The following BRAF variants were observed in gnomAD, a reference collection of about 807,000 sequenced individuals.
BRAF encodes the protein serine/threonine-protein kinase B-raf.
Under a neutral mutation model 104.6 loss-of-function variants are expected in BRAF, and 16 were observed. The observed-to-expected ratio is 0.15, with a 90% CI of 0.10 to 0.23. BRAF has a LOEUF of 0.23. Ranked by LOEUF, BRAF falls within the 10% of genes least tolerant of loss-of-function variation. The pLI is 1.00. For missense variants in BRAF, 541 were observed against 937.3 expected (o/e 0.58, Z 5.52); for synonymous variants, 310 against 341.6 (o/e 0.91, Z 1.02).
chr7:140,805,870 A>C (rs565157615), intron 5 of BRAF, among the ~76,000 whole-genome samples: 1 of 152,366 alleles, frequency 6.6e-6, no homozygotes, highest in East Asian at 1.9e-4. Context: ...CTTTCTAAGC[A>C]GAACATAGGT....
rs1562941216 is a variant in BRAF at position 140,753,445 on chromosome 7, C to A, written c.1862-52G>T. The A allele has an allele frequency of 2.5e-6, 3 of 1,203,414 alleles. No homozygotes were observed. The East Asian group carries it at 7.0e-5, about 28-fold the overall frequency. The allele number at this position is 1,203,414 out of a possible 1,614,324, so 74.5% of individuals were successfully genotyped here. A position where few individuals can be genotyped will look rare whatever the true frequency, so the allele number is the denominator to read the frequency against. ...AGTAGATCTCATTTTCCTATCAGAGCAAGCATTATGAAGAGTTTAGGTAAG... is the reference window on the plus strand; with the variant it reads ...AGTAGATCTCATTTTCCTATCAGAGAAAGCATTATGAAGAGTTTAGGTAAG... On this transcript the variant is annotated intron_variant, in intron 15 of 19. Transcript: ENST00000644969.
intron 8 of BRAF, among the ~76,000 whole-genome samples, chr7:140,788,829 T>C (rs1474575944): frequency 6.6e-6 from 1 of 151,832 alleles, no homozygotes. Context: ...CCTCAGGTGA[T>C]CCGTCCACCT....
intron 19 of BRAF, chr7:140,732,170 C>CAAAAAAAA (rs61727494): frequency 2.5e-4 from 6 of 23,694 alleles, no homozygotes; most frequent in Non-Finnish European, 5.3e-4. Flanking sequence ...GACTCTGTCT[C>CAAAAAAAA]AAAAAAAAAA....
chr7:140,855,616 A>C (rs1470470400), intron 1 of BRAF, among the ~76,000 whole-genome samples: 1 of 151,628 alleles, frequency 6.6e-6, no homozygotes, highest in African/African-American at 2.4e-5. Context: ...TTAAAATATC[A>C]ATTAGTAACA....
intron 1 of BRAF, among the ~76,000 whole-genome samples, chr7:140,901,624 C>G (rs973048976): frequency 2.6e-5 from 4 of 152,192 alleles, no homozygotes; most frequent in Non-Finnish European, 1.5e-5. Context: ...GTCTTCCAAT[C>G]CACACTCAGT....
chr7:140,868,723 A>T (rs1372806556), intron 1 of BRAF, among the ~76,000 whole-genome samples: 1 of 152,232 alleles, frequency 6.6e-6, no homozygotes, highest in South Asian at 2.1e-4. Context: ...TTTGTATGGT[A>T]GGTGAACTCA....
chr7:140,737,626 A>T (rs1316885837), intron 18 of BRAF, among the ~76,000 whole-genome samples: 2 of 152,188 alleles, frequency 1.3e-5, no homozygotes, highest in Non-Finnish European at 2.9e-5. Context: ...ATAGAAGTTT[A>T]AAAATTTTTA....
At chr7:140,834,998 C>T in intron 2 of BRAF, 126 bp from the exon 3 acceptor site, 3 of 1,042,564 alleles carry the variant, frequency 2.9e-6, no homozygotes, top group Middle Eastern at 2.6e-4. Flanking sequence ...TTTCAAATTA[C>T]AAAATAAGTG....
At chr7:140,785,245 A>G (rs901314140) in intron 10 of BRAF, among the ~76,000 whole-genome samples, 3 of 152,196 alleles carry the variant, frequency 2.0e-5, no homozygotes, top group Non-Finnish European at 2.9e-5. Context: ...ATAAAATCTC[A>G]TAATAGAAGT....
At chr7:140,802,480 T>C (rs999359436) in intron 5 of BRAF, among the ~76,000 whole-genome samples, 11 of 151,920 alleles carry the variant, frequency 7.2e-5, no homozygotes, top group Admixed American at 7.2e-4. Context: ...TATTTTTTAT[T>C]AGAGGAAGGG....
chr7:140,875,325 G>C lies in BRAF; in HGVS notation c.139-25113C>G, dbSNP rs527245207. 9.1e-4 allele frequency among the ~76,000 whole-genome samples: 139 copies of C among 152,248 alleles called. 1 individual carries two copies. Among genetic ancestry groups the C allele is most frequent in the Non-Finnish European group, 1.7e-3 (116 of 68,014 alleles). On this transcript the variant is annotated intron_variant, in intron 1 of 19. Coordinates refer to ENST00000644969, the MANE Select transcript of BRAF (RefSeq NM_001374258.1). ...GGTGAATCCAAAAATGGATAAATAC[G>C]TAGAATTCCACACTCTCACACATCA...
In BRAF at chr7:140,724,744, G is replaced by C; in HGVS notation, c.*1750C>G. The stretch of plus-strand genomic sequence containing the variant: ...TTTCTAATTCCTTGATTTATTCTGG[G>C]TCTTGTTTAATTTCTTTCAAGTCCT... On this transcript the variant is annotated 3_prime_UTR_variant, in exon 20 of 20. Transcript: ENST00000644969. The C allele has an allele frequency of 3.9e-6, 4 of 1,033,954 alleles. No individual in the cohort carries two copies. The highest frequency in any genetic ancestry group is 4.7e-6 in the Non-Finnish European group (4 of 859,450). 64.0% of individuals were successfully genotyped at this position (1,033,954 alleles called of 1,614,324 possible).
intron 12 of BRAF, among the ~76,000 whole-genome samples, chr7:140,779,069 A>C (rs545850369): frequency 1.3e-5 from 2 of 152,338 alleles, no homozygotes; most frequent in South Asian, 4.1e-4. Context: ...TTCACACAAC[A>C]ATATAGATGA....
chr7:140,832,285 GA>G (rs1562983952), intron 3 of BRAF, among the ~76,000 whole-genome samples: 1 of 152,164 alleles, frequency 6.6e-6, no homozygotes, highest in Non-Finnish European at 1.5e-5. Context: ...CTTTGTTCCT[GA>G]GTGTTCAGGA....
At chr7:140,914,701 T>G (rs896224557) in intron 1 of BRAF, among the ~76,000 whole-genome samples, 1 of 152,004 alleles carries the variant, frequency 6.6e-6, no homozygotes. Context: ...GGGAATTAAG[T>G]CACCTCCATA....
intron 1 of BRAF, among the ~76,000 whole-genome samples, chr7:140,914,973 G>A (rs867562460): frequency 1.3e-5 from 1 of 74,820 alleles, no homozygotes; most frequent in Non-Finnish European, 2.9e-5. Flanking sequence ...CCGGGGGGGG[G>A]GGGGGGCGGA....
At chr7:140,761,840 T>C (rs1027703423) in intron 14 of BRAF, among the ~76,000 whole-genome samples, 9 of 152,200 alleles carry the variant, frequency 5.9e-5, no homozygotes, top group Non-Finnish European at 1.3e-4. Context: ...AAGAGCTAAC[T>C]ATCCTAAATA....
intron 3 of BRAF, among the ~76,000 whole-genome samples, chr7:140,819,528 A>G (rs1805246532): frequency 6.6e-6 from 1 of 152,228 alleles, no homozygotes; most frequent in South Asian, 2.1e-4. Context: ...AAAACCTTGA[A>G]TACGAATGTT....
At chr7:140,751,639 T>C (rs1394376959) in intron 16 of BRAF, among the ~76,000 whole-genome samples, 1 of 152,222 alleles carries the variant, frequency 6.6e-6, no homozygotes, top group Non-Finnish European at 1.5e-5. Flanking sequence ...TGCAGGTTAA[T>C]GGCCAAATAG....
Sources: allele counts gnomAD v4.1 joint callset (sites outside exome capture counted in the v4.1 genomes callset), GRCh38; gene constraint gnomAD v4.1.1; transcripts MANE v1.5; gene names NCBI Gene and HGNC (gene_info 2026-07-23, HGNC 2026-07-21).